Variants in HSD17B12 observed in about 807,000 individuals in gnomAD.
HSD17B12 encodes very-long-chain 3-oxoacyl-CoA reductase.
In HSD17B12, 32 loss-of-function variants were observed where a neutral mutation model predicts 39.3. The observed-to-expected ratio is 0.81, with a 90% CI of 0.61 to 1.09. The LOEUF is 1.09. HSD17B12 is among the 50% of genes least tolerant of loss of function. HSD17B12 has a pLI of 0.00. For synonymous variants in HSD17B12, 150 were observed against 146.7 expected (o/e 1.02, Z -0.16); for missense variants, 342 against 382.9 (o/e 0.89, Z 0.89).
the HSD17B12 span, among the ~76,000 whole-genome samples, chr11:43,671,303 C>A: frequency 7.2e-5 from 11 of 152,328 alleles, no homozygotes; most frequent in East Asian, 1.9e-3. Flanking sequence ...CCTCAGCCTC[C>A]CAAGTAGCTG....
the HSD17B12 span, among the ~76,000 whole-genome samples, chr11:43,637,281 C>T: frequency 2.9e-5 from 4 of 137,538 alleles, no homozygotes; most frequent in Non-Finnish European, 6.1e-5. Context: ...AGTGCAGTGG[C>T]ACAATCTTGG....
chr11:43,734,285 T>G (rs1355960598), intron 1 of HSD17B12: 1 of 1,248,954 alleles, frequency 8.0e-7, no homozygotes, highest in African/African-American at 1.5e-5. Flanking sequence ...CAGGAAGGAG[T>G]TCACAGAAGC....
chr11:43,853,529 T>A (rs1019215813), intron 9 of HSD17B12: 1 of 152,334 alleles, frequency 6.6e-6, no homozygotes, highest in Admixed American at 6.5e-5. Flanking sequence ...AGCTCACACC[T>A]GTCATCCCGA....
At chr11:43,697,850 A>T (rs1297231360) in intron 1 of HSD17B12, among the ~76,000 whole-genome samples, 1 of 152,230 alleles carries the variant, frequency 6.6e-6, no homozygotes, top group Non-Finnish European at 1.5e-5. Context: ...GCCAGATCCC[A>T]CAGGCCCTTG....
At chr11:43,667,902 C>G in the HSD17B12 span, among the ~76,000 whole-genome samples, 1 of 152,050 alleles carries the variant, frequency 6.6e-6, no homozygotes, top group East Asian at 1.9e-4. Flanking sequence ...ATAAGACAAA[C>G]AGGTCTTTAT....
chr11:43,647,712 G>A, the HSD17B12 span, among the ~76,000 whole-genome samples: 1 of 152,130 alleles, frequency 6.6e-6, no homozygotes, highest in East Asian at 1.9e-4. Context: ...ATTGTTGATT[G>A]TAGTTTGTAC....
intron 1 of HSD17B12, among the ~76,000 whole-genome samples, chr11:43,745,737 A>G (rs894834268): frequency 6.6e-6 from 1 of 152,198 alleles, no homozygotes; most frequent in African/African-American, 2.4e-5. Flanking sequence ...ATATGGTACA[A>G]AAGATTAAAA....
In HSD17B12 at chr11:43,750,958, G is replaced by A. The variant is rs1399680476; in HGVS notation, c.207+1G>A. The A allele has an allele frequency of 3.8e-6, 6 of 1,586,378 alleles. No homozygotes were observed. The highest frequency in any genetic ancestry group is 5.2e-6 in the Non-Finnish European group (6 of 1,160,520). ...AATTGGAAAATCATATGCAGAAGAG[G>A]TAGGTGATTTTCAAGATCTTTCCTT... On this transcript the variant is annotated splice_donor_variant, in intron 2 of 10. Transcript: ENST00000278353. LOFTEE classifies it high-confidence loss of function.
the HSD17B12 span, among the ~76,000 whole-genome samples, chr11:43,602,661 G>A: frequency 1.3e-5 from 2 of 152,130 alleles, no homozygotes; most frequent in East Asian, 1.9e-4. Context: ...TTTTGAAAGG[G>A]ATTTATGCTA....
chr11:43,656,439 C>G, the HSD17B12 span, among the ~76,000 whole-genome samples: 2 of 152,264 alleles, frequency 1.3e-5, no homozygotes, highest in Admixed American at 1.3e-4. Context: ...TTGCCTTCTG[C>G]TAGCTTTTGA....
At chr11:43,649,881 C>T in the HSD17B12 span, among the ~76,000 whole-genome samples, 1 of 152,136 alleles carries the variant, frequency 6.6e-6, no homozygotes. Flanking sequence ...TCGTGAGAAA[C>T]CCAAAGGCAA....
the HSD17B12 span, among the ~76,000 whole-genome samples, chr11:43,572,152 C>T: frequency 6.6e-6 from 1 of 152,150 alleles, no homozygotes; most frequent in Admixed American, 6.6e-5. Context: ...TGAGTGGAAG[C>T]ATGCTTGGAT....
intron 3 of HSD17B12, among the ~76,000 whole-genome samples, chr11:43,786,119 A>G (rs1340914816): frequency 6.6e-6 from 1 of 152,184 alleles, no homozygotes; most frequent in Non-Finnish European, 1.5e-5. Context: ...GCCAAATTCA[A>G]ATAAGCATCG....
intron 1 of HSD17B12, among the ~76,000 whole-genome samples, chr11:43,737,318 G>A (rs1249860397): frequency 6.6e-6 from 1 of 152,164 alleles, no homozygotes; most frequent in African/African-American, 2.4e-5. Context: ...CTAGCAAGTT[G>A]AGGACAAAAA....
intron 3 of HSD17B12, among the ~76,000 whole-genome samples, chr11:43,774,018 T>C (rs1950674518): frequency 6.6e-6 from 1 of 152,162 alleles, no homozygotes; most frequent in Non-Finnish European, 1.5e-5. Context: ...AGGTCACATA[T>C]GTGTATGCTT....
the HSD17B12 span, chr11:43,670,211 T>C: frequency 6.6e-6 from 1 of 152,194 alleles, no homozygotes; most frequent in Non-Finnish European, 1.5e-5. Context: ...GCAGCTCCCT[T>C]TAGCCTAGGA....
intron 3 of HSD17B12, among the ~76,000 whole-genome samples, chr11:43,779,905 A>G (rs1950747985): frequency 6.6e-6 from 1 of 152,210 alleles, no homozygotes; most frequent in Admixed American, 6.5e-5. Flanking sequence ...TCTAGTACCT[A>G]CTGATAAAGA....
chr11:43,789,758 G>A (rs1394849558), intron 3 of HSD17B12, among the ~76,000 whole-genome samples: 1 of 152,118 alleles, frequency 6.6e-6, no homozygotes, highest in African/African-American at 2.4e-5. Context: ...AGACCAGCCT[G>A]GGCAGCATGA....
At chr11:43,593,409 T>G in the HSD17B12 span, among the ~76,000 whole-genome samples, 19 of 152,034 alleles carry the variant, frequency 1.2e-4, no homozygotes, top group Admixed American at 2.6e-4. Flanking sequence ...ATCTCAGAAC[T>G]TTTTTTTGCC....
Sources: gnomAD v4.1 joint callset for allele counts (sites outside exome capture counted in the v4.1 genomes callset) on GRCh38, gnomAD v4.1.1 for gene constraint, MANE v1.5 for transcripts, NCBI Gene and HGNC (gene_info 2026-07-23, HGNC 2026-07-21) for gene names.